The following LITAF variants were observed in gnomAD, a reference collection of about 807,000 sequenced individuals.
LITAF encodes lipopolysaccharide-induced tumor necrosis factor-alpha factor.
In LITAF, 9 loss-of-function variants were observed where a neutral mutation model predicts 14.5. The ratio of observed to expected loss-of-function variants is 0.62; its 90% confidence interval spans 0.37 to 1.08. The LOEUF is 1.08. Ranked by LOEUF, LITAF falls within the 50% of genes least tolerant of loss-of-function variation. The pLI, the probability that LITAF is intolerant of heterozygous loss-of-function variation, is 0.01. For missense variants in LITAF, 206 were observed against 213.4 expected (o/e 0.97, Z 0.22); for synonymous variants, 98 against 88.2 (o/e 1.11, Z -0.62).
At position 11,605,925 on chromosome 16, in the gene LITAF, C is replaced by T. The variant is rs866947638; in HGVS notation, c.85+27608G>A. The stretch of plus-strand genomic sequence containing the variant: ...GATCAAGACCAACCTCTCCCACGGC[C>T]TGCGCACAGCCTGATCTTCTGGGAG... On this transcript the variant is annotated intron_variant, in intron 3 of 3. Transcript: ENST00000574848. The surrounding 1 kb of genome is among the most constrained non-coding windows in gnomAD (Gnocchi z 4.7). 1.3e-5 allele frequency among the ~76,000 whole-genome samples: 2 copies of T among 152,338 alleles called. No individual in the cohort carries two copies. The highest frequency in any genetic ancestry group is 6.8e-3 in the Middle Eastern group (2 of 294).
intron 3 of LITAF, among the ~76,000 whole-genome samples, chr16:11,625,447 G>GGTTT (rs2065078017): frequency 3.3e-5 from 5 of 151,964 alleles, no homozygotes; most frequent in African/African-American, 1.2e-4. Flanking sequence ...ATTTTTAGTG[G>GGTTT]AGACAGGGTT....
intron 3 of LITAF, among the ~76,000 whole-genome samples, chr16:11,610,881 C>T (rs986019094): frequency 6.6e-6 from 1 of 152,022 alleles, no homozygotes; most frequent in Non-Finnish European, 1.5e-5. Context: ...AATCAGTGGC[C>T]AATTTGTACA....
At chr16:11,585,187 C>A (rs923685801) in intron 1 of LITAF, among the ~76,000 whole-genome samples, 17 of 148,856 alleles carry the variant, frequency 1.1e-4, no homozygotes, top group Non-Finnish European at 2.4e-4. Flanking sequence ...GAGCCGAGAT[C>A]GCACCACTGC....
At position 11,586,607 on chromosome 16, in the gene LITAF, C is replaced by G. The variant is rs1216491140; in HGVS notation, c.-6+279G>C. 2.0e-5 allele frequency among the ~76,000 whole-genome samples: 3 copies of G among 151,954 alleles called. No individual in the cohort carries two copies. Among genetic ancestry groups the G allele is most frequent in the Non-Finnish European group, 4.4e-5 (3 of 67,832 alleles). On this transcript the variant is annotated intron_variant, in intron 1 of 3. Coordinates refer to ENST00000622633, the MANE Select transcript of LITAF (RefSeq NM_001136472.2). The surrounding 1 kb of genome is among the most constrained non-coding windows in gnomAD (Gnocchi z 6.5). ...GGCGCTCGTTCGGGTGGGGGCCGGA[C>G]GACCCCGCCACGCGCGATCGGGCCA...
At position 11,568,902 on chromosome 16, in the gene LITAF, A is replaced by C. The variant is rs563726616; in HGVS notation, c.-5-12167T>G. ...ACCATATTGGCCAACCTGGTCTCCA[A>C]CTCCTGACCTCAAGTGATCCACCCG... On this transcript the variant is annotated intron_variant, in intron 1 of 3. Coordinates refer to ENST00000622633, the MANE Select transcript of LITAF (RefSeq NM_001136472.2). 8.6e-5 allele frequency among the ~76,000 whole-genome samples: 13 copies of C among 151,616 alleles called. No homozygotes were observed. The East Asian group carries it at 2.3e-3, about 27-fold the overall frequency.
At chr16:11,599,856 A>G (rs1339628871), upstream of LITAF, among the ~76,000 whole-genome samples, 1 of 152,004 alleles carries the variant, frequency 6.6e-6, no homozygotes, top group Non-Finnish European at 1.5e-5. Flanking sequence ...CCAGGTATCT[A>G]TGTGGCCTGC....
chr16:11,638,242 A>G (rs892216713), upstream of LITAF, among the ~76,000 whole-genome samples: 1 of 151,388 alleles, frequency 6.6e-6, no homozygotes, highest in Non-Finnish European at 1.5e-5. Flanking sequence ...GAACAGTAAT[A>G]GTCCACTTCC....
chr16:11,564,447 G>A (rs2064420446), intron 1 of LITAF, among the ~76,000 whole-genome samples: 1 of 151,996 alleles, frequency 6.6e-6, no homozygotes, highest in South Asian at 2.1e-4. Context: ...TGCTACTTCG[G>A]GCACTCACAA....
chr16:11,627,296 C>T (rs539659668), intron 3 of LITAF, among the ~76,000 whole-genome samples: 2 of 152,308 alleles, frequency 1.3e-5, no homozygotes, highest in East Asian at 1.9e-4. Flanking sequence ...CCCGGAGCTG[C>T]CCAGCACCAT....
At chr16:11,550,942 G>C (rs571147867) in intron 3 of LITAF, among the ~76,000 whole-genome samples, 1 of 152,178 alleles carries the variant, frequency 6.6e-6, no homozygotes, top group East Asian at 1.9e-4. Context: ...CCTGGCTCCA[G>C]GGTCGTTTTG....
rs535336245 is a variant in LITAF at position 11,592,702 on chromosome 16, A to G, written c.-6+5686T>C. 2.6e-5 allele frequency among the ~76,000 whole-genome samples: 4 copies of G among 152,228 alleles called. No homozygotes were observed. The South Asian group carries it at 8.3e-4, about 32-fold the overall frequency. On this transcript the variant is annotated intron_variant, in intron 1 of 3. Transcript: ENST00000571627. ...CAGCAAGGAAATACAAATCAAAACC[A>G]CAACGAGATACCTCTTTATACTCAC...
At position 11,553,288 on chromosome 16, in the gene LITAF, A is replaced by G; in HGVS notation, c.377+245T>C. On this transcript the variant is annotated intron_variant, in intron 3 of 3. Transcript: ENST00000622633. This position sits in a 1 kb window ranked among gnomAD's most constrained non-coding sequence, Gnocchi z 7.7. ...AAGCTGGGCGTGGTTGTGCACCCCT[A>G]TAATCCCAGCTACACGGGACGCTAA... is the stretch of plus-strand genomic sequence containing the variant. The G allele has an allele frequency of 4.2e-6, 2 of 481,004 alleles. No individual in the cohort carries two copies. Among genetic ancestry groups the G allele is most frequent in the Non-Finnish European group, 7.7e-6 (2 of 260,662 alleles). 29.8% of individuals were successfully genotyped at this position (481,004 alleles called of 1,614,324 possible). A position where few individuals can be genotyped will look rare whatever the true frequency, so the allele number is the denominator to read the frequency against.
At chr16:11,636,680 G>T (rs960612075), upstream of LITAF, among the ~76,000 whole-genome samples, 6 of 152,104 alleles carry the variant, frequency 3.9e-5, no homozygotes, top group Non-Finnish European at 8.8e-5. Flanking sequence ...TGGCCTTCAG[G>T]TAGCCTTTTC....
At chr16:11,613,772 G>C (rs566531008) in intron 3 of LITAF, among the ~76,000 whole-genome samples, 1 of 152,248 alleles carries the variant, frequency 6.6e-6, no homozygotes, top group Non-Finnish European at 1.5e-5. Flanking sequence ...AGGGCACAGA[G>C]GTGGCTGGGG....
chr16:11,638,090 ATCTATC>A (rs1365887488), upstream of LITAF, among the ~76,000 whole-genome samples: 6 of 135,506 alleles, frequency 4.4e-5, 1 homozygote, highest in African/African-American at 1.4e-4. Context: ...ATATCTATCT[ATCTATC>A]TATATATATA....
chr16:11,549,400 G>A lies in LITAF; in HGVS notation c.*237C>T, dbSNP rs773679663. The A allele has an allele frequency of 6.9e-5, 39 of 566,026 alleles. No homozygotes were observed. The highest frequency in any genetic ancestry group is 1.2e-4 in the East Asian group (3 of 24,684). The allele number at this position is 566,026 out of a possible 1,614,324, so 35.1% of individuals were successfully genotyped here. A position where few individuals can be genotyped will look rare whatever the true frequency, so the allele number is the denominator to read the frequency against. ...CAGGGTCTCAGGGAGGCAGGAAACC[G>A]TGGAACTGACACTCAAGGGGAATGT... On this transcript the variant is annotated 3_prime_UTR_variant, in exon 4 of 4. Coordinates refer to ENST00000622633, the MANE Select transcript of LITAF (RefSeq NM_001136472.2). The surrounding 1 kb of genome is among the most constrained non-coding windows in gnomAD (Gnocchi z 4.6).
chr16:11,602,975 A>C (rs957517515), upstream of LITAF, among the ~76,000 whole-genome samples: 4 of 151,922 alleles, frequency 2.6e-5, no homozygotes, highest in East Asian at 7.8e-4. Context: ...TTAGCAGATT[A>C]TGGTTGCCCA....
At chr16:11,639,370 G>T (rs1355152519), upstream of LITAF, among the ~76,000 whole-genome samples, 2 of 150,794 alleles carry the variant, frequency 1.3e-5, no homozygotes, top group Non-Finnish European at 3.0e-5. Context: ...AGAATAAATG[G>T]GTGAGTGGTG....
At position 11,553,440 on chromosome 16, in the gene LITAF, G is replaced by T. The variant is rs761389284; in HGVS notation, c.377+93C>A. 528 of 1,349,950 alleles carry T rather than the reference G, an allele frequency of 3.9e-4. 1 individual carries two copies. Among genetic ancestry groups the T allele is most frequent in the Non-Finnish European group, 5.3e-4 (511 of 960,362 alleles). The allele number at this position is 1,349,950 out of a possible 1,614,324, so 83.6% of individuals were successfully genotyped here. On this transcript the variant is annotated intron_variant, in intron 3 of 3. Transcript: ENST00000622633. The surrounding 1 kb of genome is among the most constrained non-coding windows in gnomAD (Gnocchi z 7.7). ...AAAAACAACACAAATGTCTGGCCCT[G>T]AATGTCAAGCATGGTGCAGTTGAGA...
Sources: gnomAD v4.1 joint callset for allele counts (sites outside exome capture counted in the v4.1 genomes callset) on GRCh38, gnomAD v4.1.1 for gene constraint, Gnocchi (gnomAD v3.1) non-coding constraint, MANE v1.5 for transcripts, NCBI Gene and HGNC (gene_info 2026-07-23, HGNC 2026-07-21) for gene names.